The following CDH17 variants were observed in gnomAD, a reference collection of about 807,000 sequenced individuals.
The protein encoded by CDH17 is cadherin-17.
CDH17 carries 67 observed loss-of-function variants against 86.3 expected under a neutral mutation model. The ratio of observed to expected loss-of-function variants is 0.78; its 90% CI spans 0.64 to 0.95. The LOEUF (loss-of-function observed/expected upper bound fraction) is 0.95. Ranked by LOEUF, CDH17 falls within the 40% of genes least tolerant of loss-of-function variation. CDH17 has a pLI of 0.00. For synonymous variants in CDH17, 367 were observed against 366.4 expected, an observed-to-expected ratio of 1.00 and a Z score of -0.02; for missense variants, 993 against 1,017.6, an observed-to-expected ratio of 0.98 and a Z score of 0.33.
At chr8:94,129,462 T>A (rs539883318) in intron 17 of CDH17, among the ~76,000 whole-genome samples, 1 of 124,308 alleles carries the variant, frequency 8.0e-6, no homozygotes, top group South Asian at 2.7e-4. Flanking sequence ...TGAGACCCCC[T>A]TTAGATGCAT....
In CDH17 at chr8:94,194,652, G is replaced by T; in HGVS notation, c.34C>A (p.Leu12Ile). Residue 12 changes from leucine (L) to isoleucine (I), a missense_variant, in exon 2 of 18, where the codon CTT (leucine) becomes ATT (isoleucine). Transcript: ENST00000027335. ...TCTCTTACCAAATAAAGCATAAGAA[G>T]ACACAGGGAGTGAAGATGGGCCTGA... ...ILQAHLHSLCLLMLYLATGYG... is the reference protein window; with the variant it reads ...ILQAHLHSLCILMLYLATGYG... 6.2e-7 allele frequency: 1 copy of T among 1,605,338 alleles called. No homozygotes were observed. Among genetic ancestry groups the T allele is most frequent in the South Asian group, 1.1e-5 (1 of 90,316 alleles).
At chr8:94,164,928 C>A (rs1813124438) in intron 10 of CDH17, among the ~76,000 whole-genome samples, 1 of 152,140 alleles carries the variant, frequency 6.6e-6, no homozygotes, top group Admixed American at 6.5e-5. Flanking sequence ...GATTAAGAAC[C>A]ACTTGCTCTG....
At chr8:94,180,229 A>C (rs1196561604) in intron 3 of CDH17, among the ~76,000 whole-genome samples, 1 of 152,052 alleles carries the variant, frequency 6.6e-6, no homozygotes, top group Admixed American at 6.5e-5. Flanking sequence ...AAATAGATTA[A>C]TAGAGATTAC....
At chr8:94,208,794 T>C (rs1194692924), upstream of CDH17, among the ~76,000 whole-genome samples, 1 of 152,196 alleles carries the variant, frequency 6.6e-6, no homozygotes, top group African/African-American at 2.4e-5. Flanking sequence ...GATGAGTCAA[T>C]GAAAAGACAA....
intron 1 of CDH17, chr8:94,201,977 TG>T: frequency 1.3e-5 from 3 of 231,960 alleles, no homozygotes; most frequent in South Asian, 1.4e-4. Context: ...CAGGTAGCCC[TG>T]GAGCTGAGGA....
At chr8:94,208,148 T>A (rs1464608097) in intron 1 of CDH17, among the ~76,000 whole-genome samples, 1 of 152,178 alleles carries the variant, frequency 6.6e-6, no homozygotes, top group Non-Finnish European at 1.5e-5. Flanking sequence ...CCAGGGACTT[T>A]TATATACTCA....
At chr8:94,153,233 A>T (rs1157705274) in intron 12 of CDH17, among the ~76,000 whole-genome samples, 2 of 152,276 alleles carry the variant, frequency 1.3e-5, no homozygotes, top group South Asian at 4.1e-4. Context: ...TCTCAAAAGA[A>T]GACATACAAA....
At chr8:94,142,080 G>T (rs918819926) in intron 15 of CDH17, among the ~76,000 whole-genome samples, 4 of 146,596 alleles carry the variant, frequency 2.7e-5, no homozygotes, top group African/African-American at 1.1e-4. Flanking sequence ...AAGTTGTTAA[G>T]ATAATTCAAT....
chr8:94,198,151 GTATA>G (rs974964363), intron 1 of CDH17, among the ~76,000 whole-genome samples: 2 of 152,174 alleles, frequency 1.3e-5, no homozygotes. Context: ...ATGTATGTAT[GTATA>G]TATATTTATA....
intron 12 of CDH17, among the ~76,000 whole-genome samples, chr8:94,156,957 G>A (rs966075784): frequency 6.6e-6 from 1 of 152,150 alleles, no homozygotes; most frequent in Non-Finnish European, 1.5e-5. Flanking sequence ...CTAGTAAGTG[G>A]CAACACCAGG....
At chr8:94,194,395 T>C (rs913770223) in intron 2 of CDH17, among the ~76,000 whole-genome samples, 39 of 152,226 alleles carry the variant, frequency 2.6e-4, no homozygotes, top group Admixed American at 1.3e-4. Flanking sequence ...ATAACTGGTG[T>C]TGGCTTTTAA....
chr8:94,216,565 T>TG (rs1202160194), intron 1 of CDH17, among the ~76,000 whole-genome samples: 2 of 148,756 alleles, frequency 1.3e-5, no homozygotes, highest in Non-Finnish European at 1.5e-5. Context: ...GAGGGTTTGT[T>TG]TTTTTTTTTT....
At chr8:94,194,731 G>C (rs761983661) in intron 1 of CDH17, 26 bp from the exon 2 acceptor site, 3 of 1,244,584 alleles carry the variant, frequency 2.4e-6, no homozygotes, top group Admixed American at 1.9e-5. Flanking sequence ...ATAAAAAAAT[G>C]GTTAGTTACC....
chr8:94,187,506 A>T (rs1586271322), intron 3 of CDH17, among the ~76,000 whole-genome samples: 1 of 151,890 alleles, frequency 6.6e-6, no homozygotes, highest in South Asian at 2.1e-4. Flanking sequence ...AAGTAATTCA[A>T]CTCTGTGTGA....
intron 3 of CDH17, among the ~76,000 whole-genome samples, chr8:94,184,900 C>A (rs929055846): frequency 6.6e-6 from 1 of 152,078 alleles, no homozygotes. Flanking sequence ...AAGAACCAAC[C>A]TCATGGGGCA....
chr8:94,175,214 T>C (rs1813349427), intron 5 of CDH17, among the ~76,000 whole-genome samples: 1 of 152,190 alleles, frequency 6.6e-6, no homozygotes, highest in Non-Finnish European at 1.5e-5. Flanking sequence ...GAGTCCTCAG[T>C]AAATTTTAAG....
intron 12 of CDH17, among the ~76,000 whole-genome samples, chr8:94,153,476 G>A (rs1422770068): frequency 6.6e-6 from 1 of 152,148 alleles, no homozygotes; most frequent in Non-Finnish European, 1.5e-5. Context: ...ATTAAAAATA[G>A]AACTACCATA....
At chr8:94,174,400 T>C in intron 5 of CDH17, 140 bp from the exon 6 acceptor site, 1 of 816,678 alleles carries the variant, frequency 1.2e-6, no homozygotes, top group East Asian at 2.7e-5. Flanking sequence ...GGGAAATAAA[T>C]ATTTATCCCA....
chr8:94,145,169 T>A (rs1812716383), intron 15 of CDH17, among the ~76,000 whole-genome samples: 1 of 152,184 alleles, frequency 6.6e-6, no homozygotes. Flanking sequence ...CCAAGAAAAC[T>A]GCAAATCTTT....
Sources: gnomAD v4.1 joint callset for allele counts (sites outside exome capture counted in the v4.1 genomes callset) on GRCh38, gnomAD v4.1.1 for gene constraint, MANE v1.5 for transcripts, NCBI Gene and HGNC (gene_info 2026-07-23, HGNC 2026-07-21) for gene names.